Variants in RGS6 observed in about 807,000 individuals in gnomAD.
RGS6 encodes the protein regulator of G protein signaling 6, also known as regulator of G-protein signaling 6.
A neutral mutation model predicts 78.5 loss-of-function variants in RGS6; 30 were observed. The ratio of observed to expected loss-of-function variants is 0.38; its 90% CI spans 0.29 to 0.52. The LOEUF (loss-of-function observed/expected upper bound fraction) is 0.52, where lower values mean the gene tolerates loss of function less well. RGS6 is among the 20% of genes least tolerant of loss of function. The probability of loss-of-function intolerance (pLI) is 0.85; values close to 1 mark genes in which losing one functional copy is unlikely to be tolerated. For missense variants in RGS6, 495 were observed against 609.7 expected, an observed-to-expected ratio of 0.81 and a Z score of 1.98; for synonymous variants, 206 against 206.0, an observed-to-expected ratio of 1.00 and a Z score of 0.00.
intron 3 of RGS6, among the ~76,000 whole-genome samples, chr14:72,426,402 A>T (rs139771805): frequency 9.6e-4 from 147 of 152,366 alleles, no homozygotes; most frequent in African/African-American, 3.2e-3. Flanking sequence ...GATGACCATT[A>T]GGCCGTTGTT....
chr14:72,477,612 T>C (rs1813969636), intron 11 of RGS6, among the ~76,000 whole-genome samples: 10 of 151,722 alleles, frequency 6.6e-5, no homozygotes, highest in Admixed American at 2.0e-4. Context: ...CTGACCAATA[T>C]GATGAAACCC....
chr14:72,267,367 A>G (rs528528325), intron 2 of RGS6, among the ~76,000 whole-genome samples: 1 of 152,362 alleles, frequency 6.6e-6, no homozygotes, highest in South Asian at 2.1e-4. Flanking sequence ...TTTCTTTGGA[A>G]CACAGTCATG....
chr14:72,437,167 C>CAAAAAA (rs71109735), intron 3 of RGS6, among the ~76,000 whole-genome samples: 32 of 74,996 alleles, frequency 4.3e-4, no homozygotes, highest in African/African-American at 5.9e-4. Context: ...ACTAAAAATA[C>CAAAAAA]AAAAAAAAAA....
At chr14:72,106,556 A>C (rs2095637029) in intron 2 of RGS6, among the ~76,000 whole-genome samples, 1 of 152,072 alleles carries the variant, frequency 6.6e-6, no homozygotes, top group Non-Finnish European at 1.5e-5. Flanking sequence ...TCCCAGCCAT[A>C]ATTCCTTTCT....
At chr14:72,131,269 C>T (rs2096309115) in intron 2 of RGS6, among the ~76,000 whole-genome samples, 1 of 152,194 alleles carries the variant, frequency 6.6e-6, no homozygotes, top group South Asian at 2.1e-4. Flanking sequence ...TCTCAGCAGG[C>T]CTAGCTTGGA....
At chr14:71,923,649 C>A in the RGS6 span, among the ~76,000 whole-genome samples, 1 of 152,052 alleles carries the variant, frequency 6.6e-6, no homozygotes, top group Non-Finnish European at 1.5e-5. Context: ...ATGAGTGAAT[C>A]TAAAAAGACA....
At chr14:72,047,465 G>A (rs2092934987) in intron 2 of RGS6, among the ~76,000 whole-genome samples, 1 of 152,150 alleles carries the variant, frequency 6.6e-6, no homozygotes, top group African/African-American at 2.4e-5. Context: ...TCCTGTTTTA[G>A]CTACTAACAT....
chr14:72,193,042 G>T (rs2097348298), intron 2 of RGS6, among the ~76,000 whole-genome samples: 1 of 150,892 alleles, frequency 6.6e-6, no homozygotes, highest in Non-Finnish European at 1.5e-5. Flanking sequence ...ACTCAGGCTG[G>T]AGTGCAGTGG....
chr14:72,235,888 T>C (rs1222891026), intron 2 of RGS6, among the ~76,000 whole-genome samples: 2 of 152,248 alleles, frequency 1.3e-5, no homozygotes, highest in African/African-American at 4.8e-5. Context: ...TATTAGAAAG[T>C]GAAATTGGTT....
At chr14:72,459,043 A>T (rs1202249954) in intron 5 of RGS6, among the ~76,000 whole-genome samples, 1 of 152,234 alleles carries the variant, frequency 6.6e-6, no homozygotes, top group Non-Finnish European at 1.5e-5. Flanking sequence ...AAAGAATTAA[A>T]GTGTCATTTA....
chr14:72,151,897 G>A (rs1382121683), intron 2 of RGS6, among the ~76,000 whole-genome samples: 3 of 152,088 alleles, frequency 2.0e-5, no homozygotes, highest in Non-Finnish European at 4.4e-5. Context: ...AAATAAACCT[G>A]TCCTACTCAT....
intron 3 of RGS6, among the ~76,000 whole-genome samples, chr14:72,377,657 A>G (rs1441153464): frequency 1.3e-5 from 2 of 152,136 alleles, no homozygotes; most frequent in African/African-American, 4.8e-5. Flanking sequence ...TAGGACACAA[A>G]ACAAATCTCA....
At chr14:72,163,464 A>G (rs1355869478) in intron 2 of RGS6, among the ~76,000 whole-genome samples, 1 of 152,208 alleles carries the variant, frequency 6.6e-6, no homozygotes, top group Non-Finnish European at 1.5e-5. Flanking sequence ...GACTCTCAAG[A>G]GTGTGTGAGA....
intron 2 of RGS6, among the ~76,000 whole-genome samples, chr14:72,201,730 G>A (rs1196254205): frequency 5.9e-5 from 9 of 152,126 alleles, no homozygotes; most frequent in Admixed American, 2.6e-4. Flanking sequence ...CAGCCCCAAG[G>A]TCAAGTTACA....
chr14:72,315,807 A>G (rs1417062266), intron 2 of RGS6, among the ~76,000 whole-genome samples: 3 of 152,218 alleles, frequency 2.0e-5, no homozygotes, highest in African/African-American at 7.2e-5. Flanking sequence ...GCTAGGAAGA[A>G]AGGAAGACCT....
intron 2 of RGS6, among the ~76,000 whole-genome samples, chr14:72,330,513 ACCTT>A (rs1418146488): frequency 6.6e-6 from 1 of 152,160 alleles, no homozygotes; most frequent in African/African-American, 2.4e-5. Context: ...CTGAATACCC[ACCTT>A]CCTTGTGCCA....
chr14:72,038,373 T>C (rs188863626), intron 2 of RGS6, among the ~76,000 whole-genome samples: 6 of 152,328 alleles, frequency 3.9e-5, no homozygotes, highest in African/African-American at 9.6e-5. Flanking sequence ...TTTTGGCTAT[T>C]CTTGTTTCTT....
intron 3 of RGS6, among the ~76,000 whole-genome samples, chr14:72,440,657 C>A (rs1019836578): frequency 6.6e-6 from 1 of 152,122 alleles, no homozygotes; most frequent in African/African-American, 2.4e-5. Flanking sequence ...AGGTGATCTG[C>A]CTGCCTCGGC....
rs148854833 is a variant in RGS6 at position 71,959,865 on chromosome 14, G to A, written c.-20-4907G>A. 4.6e-3 allele frequency among the ~76,000 whole-genome samples: 705 copies of A among 152,286 alleles called. 6 individuals carry two copies. Among genetic ancestry groups the A allele is most frequent in the African/African-American group, 0.016 (672 of 41,552 alleles). On this transcript the variant is annotated intron_variant, in intron 1 of 17. Transcript: ENST00000553525. ...TCTTCAAAAGCAACCCTGCGTGATG[G>A]AGGGGTCTCATCTTCCAGGCAAGGA...
Sources: allele counts gnomAD v4.1 joint callset (sites outside exome capture counted in the v4.1 genomes callset), GRCh38; gene constraint gnomAD v4.1.1; transcripts MANE v1.5; gene names NCBI Gene and HGNC (gene_info 2026-07-23, HGNC 2026-07-21).